Variants in WWC1 observed in about 807,000 individuals in gnomAD.
WWC1 encodes protein KIBRA.
In WWC1, 55 loss-of-function variants were observed where a neutral mutation model predicts 138.4. The observed-to-expected ratio is 0.40, with a 90% CI of 0.32 to 0.50. The LOEUF is 0.50. Among genes scored for constraint, WWC1 ranks in the 20% least tolerant of loss-of-function variants. WWC1 has a pLI of 0.72. For missense variants in WWC1, 1,226 were observed against 1,420.4 expected (o/e 0.86, Z 2.20); for synonymous variants, 524 against 564.9 (o/e 0.93, Z 1.03).
chr5:168,312,951 G>T (rs1771249539), intron 1 of WWC1, among the ~76,000 whole-genome samples: 1 of 151,640 alleles, frequency 6.6e-6, no homozygotes, highest in Admixed American at 6.6e-5. Context: ...TGGGACTACA[G>T]GCGTGTGCCA....
At position 168,460,778 on chromosome 5, in the gene WWC1, C is replaced by T. The variant is rs746699804; in HGVS notation, c.2916+36C>T. The stretch of plus-strand genomic sequence containing the variant: ...CACCTCAAAGCTATTTTTCTGCCTG[C>T]TCCTCCCTCGTTGCCCCAAGCCCTG... On this transcript the variant is annotated intron_variant, in intron 20 of 22. Transcript: ENST00000265293. 5 of 1,605,870 alleles carry T rather than the reference C, an allele frequency of 3.1e-6. 1 individual carries two copies. Among genetic ancestry groups the T allele is most frequent in the Middle Eastern group, 3.3e-4 (2 of 6,030 alleles).
At chr5:168,293,165 C>T (rs1769220794) in intron 1 of WWC1, among the ~76,000 whole-genome samples, 1 of 152,204 alleles carries the variant, frequency 6.6e-6, no homozygotes, top group Non-Finnish European at 1.5e-5. Flanking sequence ...TCCAGACTTT[C>T]TCCTGGTTGT....
At chr5:168,438,850 G>A (rs1454020479) in intron 15 of WWC1, among the ~76,000 whole-genome samples, 1 of 151,992 alleles carries the variant, frequency 6.6e-6, no homozygotes, top group African/African-American at 2.4e-5. Context: ...TTCTCTGTGA[G>A]CTTATAGTCA....
Position 168,428,131 on chromosome 5 carries a change from T to A in WWC1, c.1909T>A (p.Ser637Thr). The A allele has an allele frequency of 6.2e-7, 1 of 1,613,074 alleles. No individual in the cohort carries two copies. The highest frequency in any genetic ancestry group is 8.5e-7 in the Non-Finnish European group (1 of 1,179,372). The part of the protein sequence containing the change: ...VAGDSGVYEA[S>T]VQRLGASEAA... The stretch of plus-strand genomic sequence containing the variant: ...TGGAGACAGTGGTGTGTACGAGGCT[T>A]CCGTGCAGAGGTAGGTGTCTGGGTG... The change falls in exon 12 of 23, where the codon TCC becomes ACC. Residue 637 changes from serine (S) to threonine (T), a missense_variant. Physicochemically the swap from Ser to Thr is moderately conservative, Grantham distance 58 (BLOSUM62 1). This residue lies in a region of WWC1 where 1,016 missense variants were observed against 1,153.9 expected (regional missense o/e 0.88). Transcript: ENST00000265293.
intron 22 of WWC1, 88 bp downstream of exon 22, chr5:168,468,052 C>T (rs1582408908): frequency 6.4e-7 from 1 of 1,565,600 alleles, no homozygotes; most frequent in East Asian, 2.3e-5. Flanking sequence ...TGCTCTCATC[C>T]CTTGCTCACA....
intron 1 of WWC1, among the ~76,000 whole-genome samples, chr5:168,367,605 C>T (rs1294197735): frequency 6.6e-6 from 1 of 152,186 alleles, no homozygotes; most frequent in African/African-American, 2.4e-5. Context: ...AGGCATGAGC[C>T]ACTGCGCCTG....
At chr5:168,458,865 T>C (rs552369442) in intron 19 of WWC1, among the ~76,000 whole-genome samples, 3 of 152,336 alleles carry the variant, frequency 2.0e-5, no homozygotes, top group African/African-American at 7.2e-5. Context: ...GTCTTTAACA[T>C]GTAAACAACT....
Position 168,428,667 on chromosome 5 carries a change from T to C in WWC1, c.1920-40T>C, listed in dbSNP as rs1238141091. 4 of 1,597,224 alleles carry C rather than the reference T, an allele frequency of 2.5e-6. No homozygotes were observed. The East Asian group carries it at 6.7e-5, about 27-fold the overall frequency. ...CAGCCTCCCAGAATAGTTTGTTCAC[T>C]GTAGGGAAGCCTAACTCCTCCTCCC... On this transcript the variant is annotated intron_variant, in intron 12 of 22. Transcript: ENST00000265293.
In WWC1 at chr5:168,469,028, A is replaced by C; in HGVS notation, c.*11A>C. On this transcript the variant is annotated 3_prime_UTR_variant, in exon 23 of 23. Coordinates refer to ENST00000265293, the MANE Select transcript of WWC1 (RefSeq NM_015238.3). ...GCAGATGACGTCTAATCGCCAGAAA[A>C]GTATTTCCTTTGTTCCACTGACCAG... 1 of 1,614,206 alleles carries C rather than the reference A, an allele frequency of 6.2e-7. No individual in the cohort carries two copies.
intron 8 of WWC1, among the ~76,000 whole-genome samples, chr5:168,411,303 C>A (rs1780220727): frequency 6.6e-6 from 1 of 152,090 alleles, no homozygotes; most frequent in Non-Finnish European, 1.5e-5. Context: ...TGGATGGAAG[C>A]CAGGCACATT....
chr5:168,309,141 T>G (rs1047533929), intron 1 of WWC1, among the ~76,000 whole-genome samples: 1 of 151,234 alleles, frequency 6.6e-6, no homozygotes, highest in African/African-American at 2.5e-5. Context: ...TCCCTTCCTT[T>G]ACAGGGTCAT....
rs759234695 is a variant in WWC1 at position 168,428,160 on chromosome 5, G to T, written c.1919+19G>T. 1 of 1,606,032 alleles carries T rather than the reference G, an allele frequency of 6.2e-7. No homozygotes were observed. The highest frequency in any genetic ancestry group is 1.1e-5 in the South Asian group (1 of 90,612). Reference sequence around the variant, plus strand: ...TGCAGAGGTAGGTGTCTGGGTGCTGGCTCTCTCTGTGGCCCTGTAAGCCAT... The same window carrying T: ...TGCAGAGGTAGGTGTCTGGGTGCTGTCTCTCTCTGTGGCCCTGTAAGCCAT... On this transcript the variant is annotated intron_variant, in intron 12 of 22. Coordinates refer to ENST00000265293, the MANE Select transcript of WWC1 (RefSeq NM_015238.3).
intron 1 of WWC1, among the ~76,000 whole-genome samples, chr5:168,320,235 A>G (rs947820477): frequency 1.3e-5 from 2 of 152,064 alleles, no homozygotes; most frequent in Admixed American, 6.6e-5. Flanking sequence ...GAGTTTCACC[A>G]TGTTGGCCAG....
At chr5:168,355,380 G>C (rs962193875) in intron 1 of WWC1, among the ~76,000 whole-genome samples, 1 of 150,902 alleles carries the variant, frequency 6.6e-6, no homozygotes. Flanking sequence ...TGGAATCCCA[G>C]CTACTCAGAA....
chr5:168,300,189 TAAAG>T (rs1352046648), intron 1 of WWC1, among the ~76,000 whole-genome samples: 5 of 152,050 alleles, frequency 3.3e-5, no homozygotes, highest in African/African-American at 7.2e-5. Context: ...CAGAGTGAGA[TAAAG>T]AAAGAGAAAA....
chr5:168,405,916 G>A (rs1779747116), intron 5 of WWC1, among the ~76,000 whole-genome samples: 2 of 151,728 alleles, frequency 1.3e-5, no homozygotes, highest in Admixed American at 1.3e-4. Context: ...TGGTAGAGAC[G>A]GGGTTTCACC....
chr5:168,409,913 C>G lies in WWC1; in HGVS notation c.868-9C>G, dbSNP rs777395992. 1 of 1,613,916 alleles carries G rather than the reference C, an allele frequency of 6.2e-7. No homozygotes were observed. The highest frequency in any genetic ancestry group is 8.5e-7 in the Non-Finnish European group (1 of 1,179,836). On this transcript the variant is annotated splice_polypyrimidine_tract_variant and intron_variant, in intron 7 of 22. Coordinates refer to ENST00000265293, the MANE Select transcript of WWC1 (RefSeq NM_015238.3). The stretch of plus-strand genomic sequence containing the variant: ...CCACATAATTCCTGACTTTGTTCTT[C>G]TCCTCCAGTTCGGCATCAACAGCAA...
chr5:168,423,822 C>T lies in WWC1; in HGVS notation c.1564C>T (p.Arg522Cys), dbSNP rs1781310760. The T allele has an allele frequency of 1.9e-6, 3 of 1,614,032 alleles. No homozygotes were observed. The highest frequency in any genetic ancestry group is 1.3e-5 in the African/African-American group (1 of 74,922). Residue 522 changes from arginine (R) to cysteine (C), a missense_variant, in exon 11 of 23, where the codon CGT (arginine) becomes TGT (cysteine). Arg to Cys is a radical substitution (Grantham distance 180, BLOSUM62 -3). Transcript: ENST00000265293. The part of the protein sequence containing the change: ...AEGGGRLQAL[R>C]SLSGTPKSMT... The stretch of plus-strand genomic sequence containing the variant: ...GGGAGGTGGCCGCCTGCAGGCTCTG[C>T]GTTCCCTGTCTGGCACCCCAAAGTC...
intron 2 of WWC1, among the ~76,000 whole-genome samples, chr5:168,383,853 C>A (rs1042774371): frequency 6.6e-6 from 1 of 152,116 alleles, no homozygotes; most frequent in African/African-American, 2.4e-5. Flanking sequence ...GGCATTGATT[C>A]TTTGACATTA....
Sources: allele counts gnomAD v4.1 joint callset (sites outside exome capture counted in the v4.1 genomes callset), GRCh38; gene constraint gnomAD v4.1.1; regional missense constraint gnomAD v4.1.1; transcripts MANE v1.5; gene names NCBI Gene and HGNC (gene_info 2026-07-23, HGNC 2026-07-21).